The following IL12A variants were observed in gnomAD, a reference collection of about 807,000 sequenced individuals.
IL12A encodes interleukin 12A.
IL12A carries 16 observed loss-of-function variants against 23.5 expected under a neutral mutation model. The ratio of observed to expected loss-of-function variants is 0.68; its 90% confidence interval spans 0.46 to 1.03. The LOEUF (loss-of-function observed/expected upper bound fraction) is 1.03, where lower values mean the gene tolerates loss of function less well. Ranked by LOEUF, IL12A falls within the 50% of genes least tolerant of loss-of-function variation. The probability of loss-of-function intolerance (pLI) is 0.00; values close to 1 mark genes in which losing one functional copy is unlikely to be tolerated. For missense variants in IL12A, 275 were observed against 307.0 expected, an observed-to-expected ratio of 0.90 and a Z score of 0.78; for synonymous variants, 106 against 111.5, an observed-to-expected ratio of 0.95 and a Z score of 0.31.
chr3:159,993,344 ATAT>A (rs1720382608), intron 3 of IL12A, 104 bp from the exon 4 acceptor site: 1 of 847,274 alleles, frequency 1.2e-6, no homozygotes, highest in Non-Finnish European at 1.9e-6. Context: ...CAGATGCTAA[ATAT>A]TATGATATGT....
At position 159,993,121 on chromosome 3, in the gene IL12A, C is replaced by G; in HGVS notation, c.374C>G (p.Thr125Ser). 1 of 1,523,294 alleles carries G rather than the reference C, an allele frequency of 6.6e-7. No individual in the cohort carries two copies. Among genetic ancestry groups the G allele is most frequent in the Non-Finnish European group, 9.1e-7 (1 of 1,098,012 alleles). The allele number at this position is 1,523,294 out of a possible 1,614,324, so 94.4% of individuals were successfully genotyped here. A position where few individuals can be genotyped will look rare whatever the true frequency, so the allele number is the denominator to read the frequency against. ...GAGGCCTGTTTACCATTGGAATTAACCAAGGTATAAAGGATTTTCCTCCCA... is the reference window on the plus strand; with the variant it reads ...GAGGCCTGTTTACCATTGGAATTAAGCAAGGTATAAAGGATTTTCCTCCCA... Residue 125 changes from threonine (T) to serine (S), a missense_variant, in exon 3 of 7, where the codon ACC becomes AGC. Physicochemically the swap from Thr to Ser is moderately conservative, Grantham distance 58. Transcript: ENST00000305579.
intron 1 of IL12A, among the ~76,000 whole-genome samples, chr3:159,989,919 G>A (rs1327854445): frequency 6.6e-6 from 1 of 152,210 alleles, no homozygotes; most frequent in Non-Finnish European, 1.5e-5. Context: ...GTGAGTGTTG[G>A]GTTCAACACC....
chr3:159,994,976 T>C (rs1475797838), intron 6 of IL12A, among the ~76,000 whole-genome samples: 2 of 152,232 alleles, frequency 1.3e-5, no homozygotes, highest in Non-Finnish European at 2.9e-5. Flanking sequence ...CTGACACAAA[T>C]GGCATGTCTT....
intron 6 of IL12A, among the ~76,000 whole-genome samples, chr3:159,994,582 G>GTGTT (rs754958281): frequency 0.16 from 18,134 of 112,126 alleles, 1,330 homozygotes; most frequent in Non-Finnish European, 0.22. Context: ...TTCTTTTCGT[G>GTGTT]TGTGTGTGTG....
Position 159,995,509 on chromosome 3 carries a change from A to G in IL12A, c.712A>G (p.Ile238Val), listed in dbSNP as rs529714327. 3 of 1,610,106 alleles carry G rather than the reference A, an allele frequency of 1.9e-6. No individual in the cohort carries two copies. The highest frequency in any genetic ancestry group is 1.7e-5 in the Admixed American group (1 of 59,254). ...CTGCATACTTCTTCATGCTTTCAGA[A>G]TTCGGGCAGTGACTATTGATAGAGT... Residue 238 changes from isoleucine (I) to valine (V), a missense_variant, in exon 7 of 7, where the codon ATT becomes GTT. By Grantham distance (29) the Ile-to-Val change is conservative. Transcript: ENST00000305579.
chr3:159,993,670 G>T, intron 5 of IL12A, 31 bp from the exon 6 acceptor site: 1 of 1,614,002 alleles, frequency 6.2e-7, no homozygotes, highest in South Asian at 1.1e-5. Flanking sequence ...CCATCTCAAT[G>T]GATACTTCCC....
rs1720370188 is a variant in IL12A at position 159,993,012 on chromosome 3, G to C, written c.265G>C (p.Ala89Pro). ...TGAGTTTCTCCTTCATTTTTTATAGGCCAGACAAACTCTAGAATTTTACCC... is the reference window on the plus strand; with the variant it reads ...TGAGTTTCTCCTTCATTTTTTATAGCCCAGACAAACTCTAGAATTTTACCC... Residue 89 changes from alanine (A) to proline (P), a missense_variant and splice_region_variant, in exon 3 of 7, where the codon GCC becomes CCC. Ala to Pro is a conservative substitution (Grantham distance 27). Coordinates refer to ENST00000305579, the MANE Select transcript of IL12A (RefSeq NM_000882.4). The C allele has an allele frequency of 6.4e-7, 1 of 1,552,198 alleles. No individual in the cohort carries two copies. The highest frequency in any genetic ancestry group is 8.9e-7 in the Non-Finnish European group (1 of 1,124,862).
At chr3:159,995,287 T>G in intron 6 of IL12A, 117 bp from the exon 7 acceptor site, 2 of 645,580 alleles carry the variant, frequency 3.1e-6, no homozygotes, top group South Asian at 2.7e-5. Context: ...GGTTTAGGAG[T>G]GGCATAAGGG....
In IL12A at chr3:159,995,498, A is replaced by G; in HGVS notation, c.701A>G (p.His234Arg). Residue 234 changes from histidine to arginine, a missense_variant, in exon 7 of 7, where the codon CAT becomes CGT. His to Arg is a conservative substitution (Grantham distance 29). Transcript: ENST00000305579. The stretch of plus-strand genomic sequence containing the variant: ...AAAATCAAGCTCTGCATACTTCTTC[A>G]TGCTTTCAGAATTCGGGCAGTGACT... 2.5e-6 allele frequency: 4 copies of G among 1,609,964 alleles called. No individual in the cohort carries two copies. The highest frequency in any genetic ancestry group is 2.5e-6 in the Non-Finnish European group (3 of 1,178,456).
chr3:159,995,663 G>A lies in IL12A; in HGVS notation c.*104G>A. On this transcript the variant is annotated 3_prime_UTR_variant, in exon 7 of 7. Transcript: ENST00000305579. ...ACTAGGGAGGGGGAAAGAAGGATGGGACTATTACATCCACATGATACCTCT... is the reference window on the plus strand; with the variant it reads ...ACTAGGGAGGGGGAAAGAAGGATGGAACTATTACATCCACATGATACCTCT... 1.3e-6 allele frequency: 1 copy of A among 753,156 alleles called. No individual in the cohort carries two copies. The highest frequency in any genetic ancestry group is 2.1e-6 in the Non-Finnish European group (1 of 477,512). The allele number at this position is 753,156 out of a possible 1,614,324, so 46.7% of individuals were successfully genotyped here.
At chr3:159,993,159 T>C in intron 3 of IL12A, 34 bp downstream of exon 3, 3 of 1,196,258 alleles carry the variant, frequency 2.5e-6, no homozygotes, top group Non-Finnish European at 3.7e-6. Flanking sequence ...GCATGCAGTG[T>C]GGTTAAAAAC....
chr3:159,994,460 T>TAATATAAAAC (rs1720425580), intron 6 of IL12A, among the ~76,000 whole-genome samples: 1 of 152,192 alleles, frequency 6.6e-6, no homozygotes, highest in South Asian at 2.1e-4. Flanking sequence ...ACACAGATGC[T>TAATATAAAAC]AATATAAAAC....
Position 159,995,833 on chromosome 3 carries a change from A to T in IL12A, c.*274A>T, listed in dbSNP as rs1720488298. ...AATATTTATAAGCTATTTCTGTACCAAAGTGTTTGTGGAAACAAACATGTA... is the reference window on the plus strand; with the variant it reads ...AATATTTATAAGCTATTTCTGTACCTAAGTGTTTGTGGAAACAAACATGTA... On this transcript the variant is annotated 3_prime_UTR_variant, in exon 7 of 7. Coordinates refer to ENST00000305579, the MANE Select transcript of IL12A (RefSeq NM_000882.4). 1 of 230,012 alleles carries T rather than the reference A, an allele frequency of 4.3e-6. No individual in the cohort carries two copies. The highest frequency in any genetic ancestry group is 1.8e-4 in the South Asian group (1 of 5,608). The allele number at this position is 230,012 out of a possible 1,614,324, so 14.2% of individuals were successfully genotyped here.
Position 159,995,581 on chromosome 3 carries a change from G to C in IL12A, c.*22G>C. 1.3e-6 allele frequency: 2 copies of C among 1,533,468 alleles called. No homozygotes were observed. Among genetic ancestry groups the C allele is most frequent in the Non-Finnish European group, 1.7e-6 (2 of 1,142,940 alleles). The allele number at this position is 1,533,468 out of a possible 1,614,324, so 95.0% of individuals were successfully genotyped here. On this transcript the variant is annotated 3_prime_UTR_variant, in exon 7 of 7. Transcript: ENST00000305579. ...CTAAAAAGCGAGGTCCCTCCAAACC[G>C]TTGTCATTTTTATAAAACTTTGAAA...
chr3:159,994,351 C>T (rs1720422182), intron 6 of IL12A: 1 of 154,514 alleles, frequency 6.5e-6, no homozygotes, highest in South Asian at 2.0e-4. Context: ...CCATTGTGAA[C>T]CAAAATGTGA....
At position 159,988,974 on chromosome 3, in the gene IL12A, G is replaced by A; in HGVS notation, c.-83G>A. 8.5e-7 allele frequency: 1 copy of A among 1,171,682 alleles called. No individual in the cohort carries two copies. The allele number at this position is 1,171,682 out of a possible 1,614,324, so 72.6% of individuals were successfully genotyped here. On this transcript the variant is annotated 5_prime_UTR_variant, in exon 1 of 7. An upstream start codon of the reference 5' UTR is lost. Coordinates refer to ENST00000305579, the MANE Select transcript of IL12A (RefSeq NM_000882.4). ...CCGCACGTGTCACCGAGAAGCTGAT[G>A]TAGAGAGAGACACAGAAGGAGACAG...
intron 2 of IL12A, 63 bp downstream of exon 2, chr3:159,990,375 C>T (rs1720259476): frequency 2.6e-6 from 4 of 1,527,300 alleles, no homozygotes; most frequent in Non-Finnish European, 3.6e-6. Flanking sequence ...GGCCTCTGAT[C>T]CTCCCCTCTG....
rs559020447 is a variant in IL12A at position 159,989,139 on chromosome 3, C to T, written c.83C>T (p.Ser28Phe). 3.3e-5 allele frequency: 53 copies of T among 1,612,090 alleles called. No homozygotes were observed. In the East Asian group the frequency reaches 1.0e-3, roughly 32 times the overall value. ...CTGCATCCAGCGGCTCGCCCTGTGT[C>T]CCTGCAGTGCCGGCTCAGCATGTGT... Residue 28 changes from serine (S) to phenylalanine (F), a missense_variant, in exon 1 of 7, where the codon TCC becomes TTC. Physicochemically the swap from Ser to Phe is radical, Grantham distance 155 (BLOSUM62 -2). Transcript: ENST00000305579.
At chr3:159,992,964 G>A (rs1720368803) in intron 2 of IL12A, 48 bp from the exon 3 acceptor site, 3 of 1,136,644 alleles carry the variant, frequency 2.6e-6, no homozygotes, top group South Asian at 2.6e-5. Flanking sequence ...TGGGGTGCCA[G>A]GTGCATTATC....
Sources: allele counts gnomAD v4.1 joint callset (sites outside exome capture counted in the v4.1 genomes callset), GRCh38; gene constraint gnomAD v4.1.1; transcripts MANE v1.5; gene names NCBI Gene and HGNC (gene_info 2026-07-23, HGNC 2026-07-21).